Variants in MORC3 observed in about 807,000 individuals in gnomAD.
The protein encoded by MORC3 is MORC family CW-type zinc finger protein 3.
A neutral mutation model predicts 109.1 loss-of-function variants in MORC3; 31 were observed. The ratio of observed to expected loss-of-function variants is 0.28; its 90% CI spans 0.21 to 0.38. MORC3 has a LOEUF of 0.38. Ranked by LOEUF, MORC3 falls within the 10% of genes least tolerant of loss-of-function variation. The probability of loss-of-function intolerance (pLI) is 1.00; values close to 1 mark genes in which losing one functional copy is unlikely to be tolerated. For synonymous variants in MORC3, 395 were observed against 380.7 expected (o/e 1.04, Z -0.44); for missense variants, 867 against 1,135.8 (o/e 0.76, Z 3.40).
chr21:36,375,040 A>T, intron 16 of MORC3, 103 bp from the exon 17 acceptor site: 1 of 1,206,916 alleles, frequency 8.3e-7, no homozygotes, highest in South Asian at 1.6e-5. Context: ...GTTTAATTGT[A>T]TATTATTCTA....
chr21:36,320,400 G>A (rs1267947578), intron 1 of MORC3, 97 bp downstream of exon 1: 1 of 1,174,140 alleles, frequency 8.5e-7, no homozygotes, highest in Non-Finnish European at 1.1e-6. Context: ...TTGTGGGGCC[G>A]ACGCGGCGGC....
chr21:36,373,581 C>T (rs1364245999), intron 16 of MORC3, among the ~76,000 whole-genome samples: 9 of 152,014 alleles, frequency 5.9e-5, no homozygotes, highest in Admixed American at 5.9e-4. Flanking sequence ...CAAGATCGCG[C>T]CATCACGCTG....
At chr21:36,326,572 G>T (rs1044991747) in intron 1 of MORC3, among the ~76,000 whole-genome samples, 12 of 152,048 alleles carry the variant, frequency 7.9e-5, no homozygotes, top group African/African-American at 2.9e-4. Flanking sequence ...TTTATAAGTT[G>T]AACTTTATCA....
intron 15 of MORC3, among the ~76,000 whole-genome samples, chr21:36,371,887 C>T (rs563799023): frequency 2.7e-5 from 4 of 150,844 alleles, no homozygotes; most frequent in Non-Finnish European, 5.9e-5. Flanking sequence ...GATCTCAGCT[C>T]ACCGCAACCT....
chr21:36,342,556 C>T (rs1432331649), intron 6 of MORC3, among the ~76,000 whole-genome samples: 3 of 152,006 alleles, frequency 2.0e-5, no homozygotes, highest in South Asian at 2.1e-4. Flanking sequence ...GCGTGTGCCA[C>T]CACACCCGGC....
chr21:36,356,827 A>G lies in MORC3; in HGVS notation c.1208+103A>G, dbSNP rs1359872841. On this transcript the variant is annotated intron_variant, in intron 10 of 16. Coordinates refer to ENST00000400485, the MANE Select transcript of MORC3 (RefSeq NM_015358.3). ...TTTCACAAACTTAGGACTGTAACTC[A>G]TAGGAATAAATTCTGCAACATGAAT... The G allele has an allele frequency of 7.8e-6, 5 of 642,028 alleles. No homozygotes were observed. The East Asian group carries it at 1.2e-4, about 16-fold the overall frequency. 39.8% of individuals were successfully genotyped at this position (642,028 alleles called of 1,614,324 possible). A position where few individuals can be genotyped will look rare whatever the true frequency, so the allele number is the denominator to read the frequency against.
chr21:36,344,754 T>C, intron 7 of MORC3, 47 bp downstream of exon 7: 1 of 1,606,010 alleles, frequency 6.2e-7, no homozygotes, highest in Non-Finnish European at 8.5e-7. Flanking sequence ...TCAGGTGTAT[T>C]CTCTTTTGCC....
rs977138735 is a variant in MORC3 at position 36,320,216 on chromosome 21, C to A, written c.-49C>A. On this transcript the variant is annotated 5_prime_UTR_variant, in exon 1 of 17. Coordinates refer to ENST00000400485, the MANE Select transcript of MORC3 (RefSeq NM_015358.3). The stretch of plus-strand genomic sequence containing the variant: ...GGCTCCACAGTCGTTCCGCCACCTC[C>A]CAGTCGGGTTGCGGCGGAGGCCGTT... 1 of 1,562,610 alleles carries A rather than the reference C, an allele frequency of 6.4e-7. No homozygotes were observed.
intron 7 of MORC3, 29 bp from the exon 8 acceptor site, chr21:36,344,883 G>A (rs1256811660): frequency 1.3e-5 from 21 of 1,609,670 alleles, no homozygotes; most frequent in Non-Finnish European, 1.8e-5. Context: ...GTGAGGTGTT[G>A]TGTTCAAAAT....
chr21:36,341,273 C>T (rs1458727221), intron 5 of MORC3, 126 bp from the exon 6 acceptor site: 13 of 833,534 alleles, frequency 1.6e-5, no homozygotes, highest in East Asian at 5.6e-5. Context: ...GCACCCCCAA[C>T]CCCCCACTGA....
chr21:36,356,518 T>G, intron 9 of MORC3, 102 bp from the exon 10 acceptor site: 4 of 587,432 alleles, frequency 6.8e-6, no homozygotes, highest in Non-Finnish European at 1.1e-5. Context: ...CTATATGTTT[T>G]GGAGTTTTTT....
intron 12 of MORC3, among the ~76,000 whole-genome samples, chr21:36,361,226 A>G (rs2085711026): frequency 1.3e-5 from 2 of 152,000 alleles, no homozygotes; most frequent in South Asian, 4.2e-4. Context: ...CTTTAGTGAA[A>G]TCCAGCAATA....
In MORC3 at chr21:36,341,489, G is replaced by T. The variant is rs771458369; in HGVS notation, c.699G>T (p.Gly233=). The change falls in exon 6 of 17, where the codon GGG becomes GGT. Residue 233 remains glycine, a synonymous_variant. Transcript: ENST00000400485. The part of the protein sequence containing the change: ...EDLDEITGKK[G]YKKQERMDQI... ...TAGATGAGATAACAGGGAAGAAGGG[G>T]TACAAGAAGCAGGAAAGGATGGACC... The T allele has an allele frequency of 6.2e-7, 1 of 1,614,052 alleles. No homozygotes were observed. Among genetic ancestry groups the T allele is most frequent in the Non-Finnish European group, 8.5e-7 (1 of 1,180,002 alleles).
At chr21:36,321,506 C>G (rs2085193140) in intron 1 of MORC3, among the ~76,000 whole-genome samples, 1 of 150,018 alleles carries the variant, frequency 6.7e-6, no homozygotes, top group Non-Finnish European at 1.5e-5. Flanking sequence ...GTGAGCTAGG[C>G]TTTAGTAGTT....
chr21:36,375,052 G>A lies in MORC3; in HGVS notation c.2667-91G>A, dbSNP rs949718836. The A allele has an allele frequency of 3.5e-4, 450 of 1,287,698 alleles. 1 individual carries two copies. The highest frequency in any genetic ancestry group is 1.5e-3 in the East Asian group (64 of 42,002). The allele number at this position is 1,287,698 out of a possible 1,614,324, so 79.8% of individuals were successfully genotyped here. A position where few individuals can be genotyped will look rare whatever the true frequency, so the allele number is the denominator to read the frequency against. The stretch of plus-strand genomic sequence containing the variant: ...TTTGTTTAATTGTATATTATTCTAC[G>A]GAGATTTGATTTTGATATTTTACTT... On this transcript the variant is annotated intron_variant, in intron 16 of 16. Coordinates refer to ENST00000400485, the MANE Select transcript of MORC3 (RefSeq NM_015358.3).
intron 1 of MORC3, among the ~76,000 whole-genome samples, chr21:36,327,693 G>T (rs1200002693): frequency 6.6e-6 from 1 of 151,192 alleles, no homozygotes; most frequent in African/African-American, 2.5e-5. Context: ...TGTCATACCA[G>T]TTGATGACTG....
At chr21:36,371,577 GATTGT>G (rs1250394263) in intron 15 of MORC3, among the ~76,000 whole-genome samples, 1 of 152,184 alleles carries the variant, frequency 6.6e-6, no homozygotes, top group African/African-American at 2.4e-5. Context: ...AAAACAGAAT[GATTGT>G]ATTGGTATGC....
chr21:36,336,226 C>G (rs1160533518), intron 2 of MORC3, among the ~76,000 whole-genome samples: 1 of 148,846 alleles, frequency 6.7e-6, no homozygotes, highest in African/African-American at 2.5e-5. Context: ...TCACCATGGT[C>G]AGCTTTTTTG....
intron 1 of MORC3, among the ~76,000 whole-genome samples, chr21:36,327,874 CT>C (rs975843704): frequency 5.3e-5 from 8 of 150,902 alleles, no homozygotes; most frequent in Non-Finnish European, 8.8e-5. Context: ...CAGTGGCCTC[CT>C]TTTTTGTTTT....
Sources: allele counts gnomAD v4.1 joint callset (sites outside exome capture counted in the v4.1 genomes callset), GRCh38; gene constraint gnomAD v4.1.1; transcripts MANE v1.5; gene names NCBI Gene and HGNC (gene_info 2026-07-23, HGNC 2026-07-21).